Variants in STK3 observed in about 807,000 individuals in gnomAD.
The protein encoded by STK3 is serine/threonine kinase 3, also known as serine/threonine-protein kinase 3.
A neutral mutation model predicts 58.0 loss-of-function variants in STK3; 41 were observed. The observed-to-expected ratio is 0.71, with a 90% CI of 0.55 to 0.92. The LOEUF is 0.92. Among genes scored for constraint, STK3 ranks in the 40% least tolerant of loss-of-function variants. The pLI, the probability that STK3 is intolerant of heterozygous loss-of-function variation, is 0.00. For synonymous variants in STK3, 170 were observed against 191.0 expected (o/e 0.89, Z 0.91); for missense variants, 479 against 602.7 (o/e 0.79, Z 2.15).
intron 10 of STK3, among the ~76,000 whole-genome samples, chr8:98,485,587 A>T (rs192733407): frequency 1.3e-5 from 2 of 152,378 alleles, no homozygotes; most frequent in East Asian, 3.9e-4. Flanking sequence ...GATAGGTTTA[A>T]GCTGGGTAAG....
chr8:98,352,554 T>C, the STK3 span, among the ~76,000 whole-genome samples: 1 of 152,192 alleles, frequency 6.6e-6, no homozygotes, highest in Admixed American at 6.5e-5. Context: ...TGTGGTGGGC[T>C]TATTGAGGGA....
At chr8:98,830,972 A>AG (rs1835512125) in intron 3 of STK3, among the ~76,000 whole-genome samples, 1 of 149,808 alleles carries the variant, frequency 6.7e-6, no homozygotes, top group Admixed American at 6.6e-5. Flanking sequence ...TCTGTCTCAA[A>AG]AAAAAAAAAA....
chr8:98,559,093 C>A (rs1040316107), intron 8 of STK3, among the ~76,000 whole-genome samples: 1 of 152,078 alleles, frequency 6.6e-6, no homozygotes, highest in Non-Finnish European at 1.5e-5. Flanking sequence ...TGAAGAAATA[C>A]TTCATGTGCA....
intron 6 of STK3, among the ~76,000 whole-genome samples, chr8:98,618,082 G>C (rs777017722): frequency 1.3e-5 from 2 of 151,424 alleles, no homozygotes; most frequent in Admixed American, 1.3e-4. Flanking sequence ...CTGGCAAACC[G>C]AATCCAGCAG....
chr8:98,573,385 A>G (rs947257436), intron 8 of STK3, among the ~76,000 whole-genome samples: 2 of 152,306 alleles, frequency 1.3e-5, no homozygotes, highest in Admixed American at 6.5e-5. Flanking sequence ...AGCAGGAGAG[A>G]GAACTGCTGA....
chr8:98,859,030 C>T (rs755633742), intron 3 of STK3, among the ~76,000 whole-genome samples: 1 of 151,868 alleles, frequency 6.6e-6, no homozygotes, highest in Non-Finnish European at 1.5e-5. Context: ...TCATTCTTGA[C>T]TATTCTTTCA....
rs549670961 is a variant in STK3, at chr8:98,587,262, G to A, written c.823-7473C>T. On this transcript the variant is annotated intron_variant, in intron 7 of 10. Coordinates refer to ENST00000419617, the MANE Select transcript of STK3 (RefSeq NM_006281.4). ...CGCTATAAATTTCCCTCTACACACT[G>A]CTTTGAATGCGTCCCAGAGATTCTG... Among the ~76,000 whole-genome samples the A allele has an allele frequency of 5.8e-3, 875 of 152,140 alleles. 10 individuals are homozygous for A. Among genetic ancestry groups the A allele is most frequent in the African/African-American group, 0.02 (830 of 41,446 alleles).
chr8:98,912,188 G>A lies in STK3; in HGVS notation c.-78-28354C>T, dbSNP rs755790353. Among the ~76,000 whole-genome samples the A allele has an allele frequency of 2.6e-5, 4 of 152,170 alleles. No homozygotes were observed. In the East Asian group the frequency reaches 7.7e-4, roughly 29 times the overall value. ...GAGGTCAGGAATTCAAGATGAGCCTGATCAACATGGCAAAACCTCGTCTCT... is the reference window on the plus strand; with the variant it reads ...GAGGTCAGGAATTCAAGATGAGCCTAATCAACATGGCAAAACCTCGTCTCT... On this transcript the variant is annotated intron_variant, in intron 1 of 1. Transcript: ENST00000519420.
intron 8 of STK3, among the ~76,000 whole-genome samples, chr8:98,560,729 C>G (rs933051172): frequency 4.6e-5 from 7 of 152,018 alleles, no homozygotes; most frequent in Admixed American, 1.3e-4. Flanking sequence ...CAAGGCAATA[C>G]TGAATCAGAA....
chr8:98,569,724 A>G (rs1812809435), intron 8 of STK3, among the ~76,000 whole-genome samples: 1 of 152,090 alleles, frequency 6.6e-6, no homozygotes, highest in African/African-American at 2.4e-5. Context: ...ACTATATAAG[A>G]ATTTGTTTTA....
chr8:98,363,318 A>T, the STK3 span, among the ~76,000 whole-genome samples: 6 of 152,176 alleles, frequency 3.9e-5, no homozygotes, highest in Non-Finnish European at 5.9e-5. Flanking sequence ...ATGAGGCTAA[A>T]TGCTATGCCC....
At chr8:98,577,463 G>GGCAA (rs1388982513) in intron 8 of STK3, among the ~76,000 whole-genome samples, 2 of 151,956 alleles carry the variant, frequency 1.3e-5, no homozygotes, top group Non-Finnish European at 2.9e-5. Context: ...ATCCAGCCTG[G>GGCAA]GCAACAGAAC....
chr8:98,547,793 T>C (rs1346326420), intron 9 of STK3, among the ~76,000 whole-genome samples, 176 bp downstream of exon 9: 1 of 152,180 alleles, frequency 6.6e-6, no homozygotes, highest in Non-Finnish European at 1.5e-5. Flanking sequence ...TTCTGCTATA[T>C]TAAAATACAA....
the STK3 span, among the ~76,000 whole-genome samples, chr8:98,350,716 T>A: frequency 6.6e-6 from 1 of 152,310 alleles, no homozygotes; most frequent in East Asian, 1.9e-4. Context: ...TGAAAGGGAT[T>A]TCCCCTTATA....
chr8:98,504,198 A>G (rs1197164646), intron 10 of STK3, among the ~76,000 whole-genome samples: 2 of 152,084 alleles, frequency 1.3e-5, no homozygotes, highest in African/African-American at 4.8e-5. Flanking sequence ...TTTATCAGAG[A>G]CTAGGATTGC....
chr8:98,421,730 C>T (rs547425920), intron 3 of STK3, among the ~76,000 whole-genome samples: 152 of 152,036 alleles, frequency 1.0e-3, no homozygotes, highest in Non-Finnish European at 1.4e-3. Context: ...GAGCCAAGAT[C>T]GCACCACTGC....
chr8:98,411,217 A>C (rs1266935313), intron 3 of STK3, among the ~76,000 whole-genome samples: 2 of 152,226 alleles, frequency 1.3e-5, no homozygotes, highest in African/African-American at 4.8e-5. Context: ...TTTTCTGATG[A>C]TGTGGCACAA....
At position 98,785,379 on chromosome 8, in the gene STK3, C is replaced by T. The variant is rs1006863202; in HGVS notation, c.27-10560G>A. ...TCAGGATTAGGAGTTTAAGCTGCCA[C>T]CCATCCCTGTGCAGAGAACTTAGGG... On this transcript the variant is annotated intron_variant, in intron 1 of 10. Coordinates refer to ENST00000419617, the MANE Select transcript of STK3 (RefSeq NM_006281.4). Among the ~76,000 whole-genome samples, 85 of 152,282 alleles carry T rather than the reference C, an allele frequency of 5.6e-4. 1 individual carries two copies. The highest frequency in any genetic ancestry group is 1.7e-3 in the African/African-American group (72 of 41,550).
At chr8:98,803,268 GA>G (rs1419937577) in intron 1 of STK3, among the ~76,000 whole-genome samples, 4 of 152,046 alleles carry the variant, frequency 2.6e-5, no homozygotes, top group African/African-American at 9.7e-5. Flanking sequence ...TCTATACTTT[GA>G]ATGAATAAAC....
Sources: allele counts gnomAD v4.1 joint callset (sites outside exome capture counted in the v4.1 genomes callset), GRCh38; gene constraint gnomAD v4.1.1; transcripts MANE v1.5; gene names NCBI Gene and HGNC (gene_info 2026-07-23, HGNC 2026-07-21).